The following KDM4B variants were observed in gnomAD, a reference collection of about 807,000 sequenced individuals.
KDM4B encodes the protein lysine demethylase 4B, also known as lysine-specific demethylase 4B.
Under a neutral mutation model 125.2 loss-of-function variants are expected in KDM4B, and 32 were observed. That is an observed-to-expected ratio of 0.26 (90% CI 0.19 to 0.34). KDM4B has a LOEUF of 0.34. Ranked by LOEUF, KDM4B falls within the 10% of genes least tolerant of loss-of-function variation. The probability of loss-of-function intolerance (pLI) is 1.00; values close to 1 mark genes in which losing one functional copy is unlikely to be tolerated. For synonymous variants in KDM4B, 721 were observed against 677.9 expected, an observed-to-expected ratio of 1.06 and a Z score of -0.99; for missense variants, 1,190 against 1,577.7, an observed-to-expected ratio of 0.75 and a Z score of 4.16.
At chr19:4,989,889 G>A (rs111589093) in intron 1 of KDM4B, among the ~76,000 whole-genome samples, 9,842 of 152,246 alleles carry the variant, frequency 0.065, 986 homozygotes, top group African/African-American at 0.21. Flanking sequence ...CTGACTTCAG[G>A]TGATCCACTC....
At position 5,134,005 on chromosome 19, in the gene KDM4B, G is replaced by A; in HGVS notation, c.2029G>A (p.Ala677Thr). The change falls in exon 14 of 23, where the codon GCT becomes ACT. Residue 677 changes from alanine to threonine, a missense_variant. Around this residue, in one of 7 missense-constraint regions of KDM4B, gnomAD observed 128 missense variants for 137.8 expected, o/e 0.93. Transcript: ENST00000159111. ...FQAERKFNAA[A>T]ARTEPYCAIC... ...GGCCGAGAGGAAGTTCAACGCAGCG[G>A]CTGCGCGCACGGAGCCCTACTGCGC... The A allele has an allele frequency of 6.2e-7, 1 of 1,611,468 alleles. No individual in the cohort carries two copies. The highest frequency in any genetic ancestry group is 8.5e-7 in the Non-Finnish European group (1 of 1,179,830).
chr19:5,046,127 A>G (rs2037017623), intron 5 of KDM4B, among the ~76,000 whole-genome samples: 1 of 152,178 alleles, frequency 6.6e-6, no homozygotes, highest in South Asian at 2.1e-4. Flanking sequence ...CACTGCCTGC[A>G]CTTGGCCTGT....
intron 1 of KDM4B, among the ~76,000 whole-genome samples, chr19:4,995,769 G>A (rs943707204): frequency 3.9e-5 from 6 of 152,092 alleles, no homozygotes; most frequent in South Asian, 2.1e-4. Flanking sequence ...TTAAATACTC[G>A]TTGTTTTTAT....
chr19:5,016,172 G>C (rs965835700), intron 1 of KDM4B, 85 bp from the exon 2 acceptor site: 3 of 152,246 alleles, frequency 2.0e-5, no homozygotes, highest in East Asian at 1.9e-4. Flanking sequence ...CTCGGGCTGC[G>C]TACAGCTGGT....
chr19:5,134,086 C>T, intron 14 of KDM4B, 25 bp downstream of exon 14: 1 of 1,561,178 alleles, frequency 6.4e-7, no homozygotes, highest in Non-Finnish European at 8.7e-7. Flanking sequence ...CTCACGGGTC[C>T]CAGAGAACCC....
Position 5,033,890 on chromosome 19 carries a change from G to A in KDM4B, c.141+859G>A, listed in dbSNP as rs150028568. ...CCAGGCCTGTAATCCCAGCATTTTG[G>A]GAGGCTGAGGCAGGGGGATTGCTTG... On this transcript the variant is annotated intron_variant, in intron 3 of 22. Transcript: ENST00000159111. Among the ~76,000 whole-genome samples, 635 of 152,304 alleles carry A rather than the reference G, an allele frequency of 4.2e-3. 2 individuals carry two copies. In the Middle Eastern group the frequency reaches 0.051, roughly 12 times the overall value.
chr19:4,981,704 T>G (rs1435514678), intron 1 of KDM4B, among the ~76,000 whole-genome samples: 1 of 152,140 alleles, frequency 6.6e-6, no homozygotes, highest in Non-Finnish European at 1.5e-5. Context: ...GTCAGCCCAG[T>G]GCCAAGCCCC....
In KDM4B at chr19:5,081,627, G is replaced by T. The variant is rs977432930; in HGVS notation, c.781-740G>T. ...GGCCGAACATCCGAATTGGACCTGGGTCTGGAAGCATTGGCCCGCTCTCCA... is the reference window on the plus strand; with the variant it reads ...GGCCGAACATCCGAATTGGACCTGGTTCTGGAAGCATTGGCCCGCTCTCCA... On this transcript the variant is annotated intron_variant, in intron 8 of 22. Coordinates refer to ENST00000159111, the MANE Select transcript of KDM4B (RefSeq NM_015015.3). This position sits in a 1 kb window ranked among gnomAD's most constrained non-coding sequence, Gnocchi z 4.2. Among the ~76,000 whole-genome samples, 4 of 152,156 alleles carry T rather than the reference G, an allele frequency of 2.6e-5. No individual in the cohort carries two copies. The highest frequency in any genetic ancestry group is 9.7e-5 in the African/African-American group (4 of 41,436).
intron 9 of KDM4B, among the ~76,000 whole-genome samples, chr19:5,097,773 G>C (rs537148507): frequency 1.3e-5 from 2 of 152,236 alleles, no homozygotes; most frequent in African/African-American, 2.4e-5. Context: ...TGGGTGCAGT[G>C]TTGGCTGTTC....
At chr19:5,111,112 C>T (rs377601248) in intron 10 of KDM4B, among the ~76,000 whole-genome samples, 1 of 152,140 alleles carries the variant, frequency 6.6e-6, no homozygotes, top group South Asian at 2.1e-4. Context: ...CTGTCATGTC[C>T]CCGCCAGGAG....
chr19:5,146,236 ACCCCCC>A (rs35335372), intron 21 of KDM4B, among the ~76,000 whole-genome samples: 1 of 112,674 alleles, frequency 8.9e-6, no homozygotes, highest in Non-Finnish European at 1.9e-5. Context: ...AGCATCCAGG[ACCCCCC>A]CCGCTCCGCC....
chr19:5,111,026 G>C (rs1244290535), intron 10 of KDM4B, among the ~76,000 whole-genome samples: 2 of 152,094 alleles, frequency 1.3e-5, no homozygotes, highest in African/African-American at 2.4e-5. Flanking sequence ...TCGAGGCCTC[G>C]CTTTGCTGGG....
At chr19:5,024,943 C>A (rs781449404) in intron 2 of KDM4B, among the ~76,000 whole-genome samples, 1 of 152,188 alleles carries the variant, frequency 6.6e-6, no homozygotes, top group Non-Finnish European at 1.5e-5. Context: ...AGCGAGACTC[C>A]GTCTCAAAAA....
intron 7 of KDM4B, among the ~76,000 whole-genome samples, chr19:5,073,313 G>A (rs1267838328): frequency 1.3e-5 from 2 of 152,232 alleles, no homozygotes; most frequent in Non-Finnish European, 2.9e-5. Flanking sequence ...TCGTCCACAC[G>A]GCAGTACCTC....
intron 6 of KDM4B, 173 bp from the exon 7 acceptor site, chr19:5,070,837 C>A: frequency 1.8e-6 from 1 of 564,370 alleles, no homozygotes; most frequent in Non-Finnish European, 3.1e-6. Flanking sequence ...CTTACGGATT[C>A]CGTCCTGAAA....
At chr19:5,040,194 C>T (rs2036762859) in intron 4 of KDM4B, among the ~76,000 whole-genome samples, 183 bp downstream of exon 4, 1 of 152,142 alleles carries the variant, frequency 6.6e-6, no homozygotes, top group South Asian at 2.1e-4. Flanking sequence ...CTCTCCCGGC[C>T]TGGGCTGACC....
In KDM4B at chr19:5,148,871, G is replaced by C. The variant is rs1010694416; in HGVS notation, c.3022-1487G>C. Among the ~76,000 whole-genome samples the C allele has an allele frequency of 2.0e-5, 3 of 152,224 alleles. No individual in the cohort carries two copies. The East Asian group carries it at 5.8e-4, about 29-fold the overall frequency. On this transcript the variant is annotated intron_variant, in intron 21 of 22. Transcript: ENST00000159111. ...GGTGGCTTTCCTCTACAAATGAGAT[G>C]GGTAGGACGGGGCAGAGGGTGGCAC...
At chr19:4,999,754 T>TATCC (rs1031748371) in intron 1 of KDM4B, among the ~76,000 whole-genome samples, 10 of 82,134 alleles carry the variant, frequency 1.2e-4, no homozygotes, top group Non-Finnish European at 1.8e-4. Context: ...TCTATCCATC[T>TATCC]ATCCATCCAT....
chr19:5,013,078 G>C (rs1392335841), intron 1 of KDM4B, among the ~76,000 whole-genome samples: 2 of 152,216 alleles, frequency 1.3e-5, no homozygotes, highest in Non-Finnish European at 2.9e-5. Flanking sequence ...CAGCCTCCCA[G>C]CTTGGAGTGG....
Sources: allele counts gnomAD v4.1 joint callset (sites outside exome capture counted in the v4.1 genomes callset), GRCh38; gene constraint gnomAD v4.1.1; regional missense constraint gnomAD v4.1.1; non-coding constraint Gnocchi (gnomAD v3.1); transcripts MANE v1.5; gene names NCBI Gene and HGNC (gene_info 2026-07-23, HGNC 2026-07-21).